Variants in ERC1 observed in about 807,000 individuals in gnomAD.
ERC1 encodes the protein ELKS/RAB6-interacting/CAST family member 1, also known as RAB6 interacting protein 2.
A neutral mutation model predicts 132.0 loss-of-function variants in ERC1; 56 were observed. The observed-to-expected ratio is 0.42, with a 90% CI of 0.34 to 0.53. The LOEUF is 0.53. ERC1 is among the 20% of genes least tolerant of loss of function. The pLI is 0.03. For missense variants in ERC1, 1,202 were observed against 1,349.9 expected, an observed-to-expected ratio of 0.89 and a Z score of 1.72; for synonymous variants, 478 against 476.1, an observed-to-expected ratio of 1.00 and a Z score of -0.05.
At chr12:1,419,022 C>T (rs966226277) in intron 17 of ERC1, among the ~76,000 whole-genome samples, 3 of 151,936 alleles carry the variant, frequency 2.0e-5, no homozygotes, top group African/African-American at 2.4e-5. Flanking sequence ...CTGAGGTCTT[C>T]GTTTCTGAAG....
At chr12:1,286,710 T>G (rs2079066341) in intron 14 of ERC1, among the ~76,000 whole-genome samples, 1 of 152,194 alleles carries the variant, frequency 6.6e-6, no homozygotes, top group Admixed American at 6.5e-5. Flanking sequence ...TTAAGAAGAC[T>G]GCTAGATACA....
At position 1,431,318 on chromosome 12, in the gene ERC1, C is replaced by T. The variant is rs943176414; in HGVS notation, c.3025-13244C>T. Among the ~76,000 whole-genome samples, 2 of 152,220 alleles carry T rather than the reference C, an allele frequency of 1.3e-5. 1 individual carries two copies. Among genetic ancestry groups the T allele is most frequent in the South Asian group, 4.2e-4 (2 of 4,812 alleles). ...AATGAGTACAGGATGCTGTTTTGAA[C>T]CAATTAGTGTTTTAGACTTGTCTAA... On this transcript the variant is annotated intron_variant, in intron 17 of 18. Transcript: ENST00000360905.
At chr12:1,130,399 GTGTTA>G (rs904811682) in intron 7 of ERC1, among the ~76,000 whole-genome samples, 1 of 152,044 alleles carries the variant, frequency 6.6e-6, no homozygotes, top group East Asian at 1.9e-4. Context: ...GAACGAGGAA[GTGTTA>G]TGTTATGTGT....
At chr12:1,053,561 A>G (rs1282356370) in intron 2 of ERC1, among the ~76,000 whole-genome samples, 3 of 152,188 alleles carry the variant, frequency 2.0e-5, no homozygotes, top group Non-Finnish European at 4.4e-5. Context: ...GTCTCATGAA[A>G]ATCCTTGTAT....
chr12:1,078,167 G>C (rs552149673), intron 2 of ERC1, among the ~76,000 whole-genome samples: 2 of 152,090 alleles, frequency 1.3e-5, no homozygotes, highest in Admixed American at 1.3e-4. Context: ...AATTGATGAC[G>C]AATGGTCAGA....
intron 1 of ERC1, among the ~76,000 whole-genome samples, chr12:1,007,534 CTCTCTCTG>C (rs1963912045): frequency 1.5e-5 from 1 of 68,460 alleles, no homozygotes; most frequent in African/African-American, 6.1e-5. Flanking sequence ...CTCTCTCTCT[CTCTCTCTG>C]TGTGTGTGTG....
At chr12:1,447,001 T>C (rs575701812) in intron 18 of ERC1, among the ~76,000 whole-genome samples, 30 of 143,066 alleles carry the variant, frequency 2.1e-4, no homozygotes, top group African/African-American at 7.1e-4. Context: ...GCCTGGGTGG[T>C]GACAAAGTGA....
chr12:1,474,876 G>A (rs1428634246), intron 18 of ERC1, among the ~76,000 whole-genome samples: 3 of 152,154 alleles, frequency 2.0e-5, no homozygotes, highest in Non-Finnish European at 4.4e-5. Flanking sequence ...CAGTGGTAGG[G>A]TGAGGCATTC....
chr12:1,007,514 AAT>A (rs1963895998), intron 1 of ERC1, among the ~76,000 whole-genome samples: 1 of 95,878 alleles, frequency 1.0e-5, no homozygotes, highest in African/African-American at 5.2e-5. Flanking sequence ...CTCACTGGGT[AAT>A]TCTCTCTCTC....
chr12:1,067,587 A>G (rs1444619690), intron 2 of ERC1, among the ~76,000 whole-genome samples: 9 of 152,164 alleles, frequency 5.9e-5, no homozygotes, highest in South Asian at 4.1e-4. Flanking sequence ...GCAGAGGGCC[A>G]TGAGTGCTCA....
At chr12:1,488,588 A>C (rs2094277471) in intron 18 of ERC1, among the ~76,000 whole-genome samples, 1 of 152,192 alleles carries the variant, frequency 6.6e-6, no homozygotes, top group African/African-American at 2.4e-5. Flanking sequence ...CAGATGAGGA[A>C]ACTGAGACTC....
chr12:1,478,901 T>C (rs190355833), intron 18 of ERC1, among the ~76,000 whole-genome samples: 143 of 152,354 alleles, frequency 9.4e-4, no homozygotes, highest in Non-Finnish European at 1.8e-3. Context: ...GTTTAAGAAA[T>C]CTTTACATTC....
chr12:1,465,417 T>G (rs2093724429), intron 18 of ERC1, among the ~76,000 whole-genome samples: 1 of 152,196 alleles, frequency 6.6e-6, no homozygotes, highest in African/African-American at 2.4e-5. Context: ...TAACGTAAAT[T>G]TCTTACAGAG....
chr12:1,130,669 C>A (rs1258785707), intron 7 of ERC1, among the ~76,000 whole-genome samples: 1 of 148,212 alleles, frequency 6.7e-6, no homozygotes, highest in Non-Finnish European at 1.5e-5. Context: ...TGGAATGACT[C>A]ATTTCTACCT....
chr12:1,321,187 A>G lies in ERC1; in HGVS notation c.2780+31175A>G, dbSNP rs558869613. Among the ~76,000 whole-genome samples, 25 of 152,360 alleles carry G rather than the reference A, an allele frequency of 1.6e-4. No individual in the cohort carries two copies. The South Asian group carries it at 4.8e-3, about 29-fold the overall frequency. On this transcript the variant is annotated intron_variant, in intron 15 of 18. Transcript: ENST00000360905. ...ACTGTGACTTAGGTCACAACAGGAC[A>G]TAAACATTTAATTTACTCTGAGCCT...
intron 7 of ERC1, among the ~76,000 whole-genome samples, chr12:1,120,494 T>C (rs1033612926): frequency 6.6e-6 from 1 of 152,220 alleles, no homozygotes; most frequent in Admixed American, 6.5e-5. Context: ...TGACTGGCAC[T>C]TGAGGCTACT....
intron 1 of ERC1, among the ~76,000 whole-genome samples, chr12:1,010,011 T>G (rs1215044012): frequency 6.6e-6 from 1 of 152,242 alleles, no homozygotes; most frequent in Admixed American, 6.5e-5. Flanking sequence ...TGAATCTCTT[T>G]GGATACTTCT....
chr12:1,484,060 C>T (rs977096217), intron 18 of ERC1, among the ~76,000 whole-genome samples: 1 of 109,110 alleles, frequency 9.2e-6, no homozygotes, highest in Non-Finnish European at 1.9e-5. Context: ...AATCCCAGCA[C>T]TTTGGGAGGC....
At chr12:1,345,407 TCTC>T in intron 15 of ERC1, among the ~76,000 whole-genome samples, 1 of 152,048 alleles carries the variant, frequency 6.6e-6, no homozygotes, top group East Asian at 1.9e-4. Context: ...ATGGTCTCAA[TCTC>T]CTGATCTCGT....
Sources: allele counts gnomAD v4.1 joint callset (sites outside exome capture counted in the v4.1 genomes callset), GRCh38; gene constraint gnomAD v4.1.1; transcripts MANE v1.5; gene names NCBI Gene and HGNC (gene_info 2026-07-23, HGNC 2026-07-21).